The following NLN variants were observed in gnomAD, a reference collection of about 807,000 sequenced individuals.
The protein encoded by NLN is neurolysin.
In NLN, 64 loss-of-function variants were observed where a neutral mutation model predicts 79.9. That is an observed-to-expected ratio of 0.80 (90% CI 0.65 to 0.99). The LOEUF (loss-of-function observed/expected upper bound fraction) is 0.99. NLN is among the 50% of genes least tolerant of loss of function. NLN has a pLI of 0.00. For missense variants in NLN, 835 were observed against 858.7 expected (o/e 0.97, Z 0.34); for synonymous variants, 267 against 296.6 (o/e 0.90, Z 1.02).
intron 2 of NLN, among the ~76,000 whole-genome samples, chr5:65,760,940 G>T (rs1473113284): frequency 6.6e-6 from 1 of 152,132 alleles, no homozygotes; most frequent in Non-Finnish European, 1.5e-5. Flanking sequence ...ATTTATTTTT[G>T]TGGGTTAATT....
intron 6 of NLN, among the ~76,000 whole-genome samples, chr5:65,782,133 G>A (rs946250700): frequency 2.0e-5 from 3 of 152,176 alleles, no homozygotes; most frequent in African/African-American, 7.2e-5. Flanking sequence ...CTATGGTGAC[G>A]TTTCTTGGTT....
At chr5:65,766,251 C>G (rs1659123406) in intron 3 of NLN, among the ~76,000 whole-genome samples, 1 of 152,126 alleles carries the variant, frequency 6.6e-6, no homozygotes, top group South Asian at 2.1e-4. Context: ...GTACCTGAGA[C>G]TGGGTAATTT....
intron 1 of NLN, among the ~76,000 whole-genome samples, chr5:65,730,553 T>G (rs1048004398): frequency 3.2e-4 from 48 of 152,104 alleles, no homozygotes; most frequent in Middle Eastern, 3.4e-3. Context: ...CTTTTTTTTT[T>G]TTTGTTTTAT....
At chr5:65,814,606 C>T (rs1203917773) in intron 12 of NLN, among the ~76,000 whole-genome samples, 2 of 152,228 alleles carry the variant, frequency 1.3e-5, no homozygotes, top group African/African-American at 2.4e-5. Flanking sequence ...AAGCCTTCCC[C>T]GTCACCTCCT....
intron 1 of NLN, among the ~76,000 whole-genome samples, chr5:65,743,355 C>G (rs377043342): frequency 3.2e-4 from 49 of 152,260 alleles, no homozygotes; most frequent in African/African-American, 1.1e-3. Context: ...CTTCTTAATA[C>G]AGATTATATA....
chr5:65,754,199 A>G (rs972281476), intron 1 of NLN, among the ~76,000 whole-genome samples: 4 of 152,182 alleles, frequency 2.6e-5, no homozygotes, highest in Admixed American at 2.0e-4. Context: ...TAGTTGATCT[A>G]TGGGCTCTAT....
intron 1 of NLN, among the ~76,000 whole-genome samples, chr5:65,756,900 T>A (rs1759231596): frequency 6.6e-6 from 1 of 152,220 alleles, no homozygotes; most frequent in Non-Finnish European, 1.5e-5. Flanking sequence ...TACCTTTGGA[T>A]AATTCCTACA....
chr5:65,774,058 T>G (rs941107384), intron 3 of NLN, among the ~76,000 whole-genome samples: 7 of 151,422 alleles, frequency 4.6e-5, no homozygotes, highest in Admixed American at 6.6e-5. Context: ...ATTCAAAGTT[T>G]TTTTTTTTTT....
At chr5:65,810,786 C>A (rs1222775213) in intron 11 of NLN, among the ~76,000 whole-genome samples, 2 of 151,992 alleles carry the variant, frequency 1.3e-5, no homozygotes, top group Admixed American at 6.6e-5. Context: ...TCGAGACCAG[C>A]CTAGGCAACA....
intron 9 of NLN, among the ~76,000 whole-genome samples, chr5:65,805,050 A>G (rs1022755137): frequency 1.3e-5 from 2 of 152,126 alleles, no homozygotes; most frequent in African/African-American, 4.8e-5. Flanking sequence ...GTGACCAGCA[A>G]TCTTTGATAT....
At chr5:65,775,427 C>T (rs998469798) in intron 3 of NLN, among the ~76,000 whole-genome samples, 34 of 152,200 alleles carry the variant, frequency 2.2e-4, no homozygotes, top group African/African-American at 8.2e-4. Flanking sequence ...TGGCCTTCTG[C>T]TCTGGTCCTT....
intron 3 of NLN, among the ~76,000 whole-genome samples, chr5:65,764,878 TCTTCC>T (rs1759418417): frequency 1.3e-5 from 2 of 152,228 alleles, no homozygotes; most frequent in African/African-American, 4.8e-5. Flanking sequence ...CCTTTAAACA[TCTTCC>T]ATGACAAATG....
intron 3 of NLN, among the ~76,000 whole-genome samples, chr5:65,767,515 G>C (rs771021638): frequency 6.6e-6 from 1 of 152,180 alleles, no homozygotes; most frequent in Non-Finnish European, 1.5e-5. Context: ...TAGGCCTCCA[G>C]GCCTGTGATG....
chr5:65,794,194 A>G (rs150027932), intron 9 of NLN, among the ~76,000 whole-genome samples: 42 of 152,318 alleles, frequency 2.8e-4, no homozygotes, highest in East Asian at 7.7e-4. Flanking sequence ...AGTGCTGACA[A>G]TGGTGGCATG....
intron 1 of NLN, among the ~76,000 whole-genome samples, chr5:65,739,592 T>C (rs1758828139): frequency 1.3e-5 from 2 of 152,220 alleles, no homozygotes; most frequent in South Asian, 4.1e-4. Flanking sequence ...ACCTCCATAC[T>C]GTTTTCCATA....
chr5:65,769,503 A>G (rs1268188330), intron 3 of NLN, among the ~76,000 whole-genome samples: 2 of 152,224 alleles, frequency 1.3e-5, no homozygotes, highest in Non-Finnish European at 2.9e-5. Flanking sequence ...AAAACATTTC[A>G]TGTGCCCCAT....
intron 3 of NLN, among the ~76,000 whole-genome samples, chr5:65,774,776 AT>A (rs1319686414): frequency 6.6e-6 from 1 of 150,936 alleles, no homozygotes; most frequent in Non-Finnish European, 1.5e-5. Context: ...CTGGGCCAGA[AT>A]GCAGTGGCAC....
chr5:65,782,435 C>T (rs988262065), intron 6 of NLN, among the ~76,000 whole-genome samples: 7 of 152,220 alleles, frequency 4.6e-5, no homozygotes, highest in African/African-American at 1.7e-4. Flanking sequence ...GTCAAAATAA[C>T]TATACCCAAA....
intron 3 of NLN, among the ~76,000 whole-genome samples, chr5:65,770,339 AC>A (rs1019177710): frequency 2.0e-5 from 3 of 152,240 alleles, no homozygotes; most frequent in African/African-American, 7.2e-5. Flanking sequence ...TAACAAAGAA[AC>A]ATCCCAGTAG....
Sources: allele counts gnomAD v4.1 joint callset (sites outside exome capture counted in the v4.1 genomes callset), GRCh38; gene constraint gnomAD v4.1.1; transcripts MANE v1.5; gene names NCBI Gene and HGNC (gene_info 2026-07-23, HGNC 2026-07-21).